LRP1B: variants seen among roughly 807,000 people sequenced by gnomAD.
LRP1B encodes the protein low-density lipoprotein receptor-related protein 1B.
Under a neutral mutation model 556.6 loss-of-function variants are expected in LRP1B, and 217 were observed. The observed-to-expected ratio is 0.39, with a 90% CI of 0.35 to 0.44. The LOEUF (loss-of-function observed/expected upper bound fraction) is 0.44, where lower values mean the gene tolerates loss of function less well. Ranked by LOEUF, LRP1B falls within the 20% of genes least tolerant of loss-of-function variation. The pLI, the probability that LRP1B is intolerant of heterozygous loss-of-function variation, is 1.00. For synonymous variants in LRP1B, 2,047 were observed against 1,865.8 expected (o/e 1.10, Z -2.50); for missense variants, 5,053 against 5,620.8 (o/e 0.90, Z 3.23).
In LRP1B at chr2:140,662,924, G is replaced by A. The variant is rs1040039226; in HGVS notation, c.6799+37326C>T. ...CAAAAGTATTGATAACAGAAAAGTT[G>A]TAGGGTAGCAAATATTAATAACAAT... On this transcript the variant is annotated intron_variant, in intron 41 of 90. Coordinates refer to ENST00000389484, the MANE Select transcript of LRP1B (RefSeq NM_018557.3). Among the ~76,000 whole-genome samples the A allele has an allele frequency of 2.0e-5, 3 of 152,118 alleles. No individual in the cohort carries two copies. In the East Asian group the frequency reaches 5.8e-4, roughly 29 times the overall value.
At chr2:141,070,521 A>G (rs1363445597) in intron 7 of LRP1B, among the ~76,000 whole-genome samples, 1 of 152,148 alleles carries the variant, frequency 6.6e-6, no homozygotes, top group Admixed American at 6.6e-5. Context: ...GAACTGAAGG[A>G]AATAGAGACA....
chr2:141,776,598 G>GTATTGCCA (rs1349142322), intron 2 of LRP1B, among the ~76,000 whole-genome samples: 5 of 152,144 alleles, frequency 3.3e-5, no homozygotes, highest in Non-Finnish European at 7.3e-5. Flanking sequence ...AGTGGTATCA[G>GTATTGCCA]TATTGCCATA....
intron 1 of LRP1B, among the ~76,000 whole-genome samples, chr2:141,936,448 T>C (rs1052811011): frequency 3.9e-5 from 6 of 152,160 alleles, no homozygotes; most frequent in Non-Finnish European, 7.3e-5. Context: ...TAAACTATAA[T>C]AATGCTAACA....
intron 35 of LRP1B, among the ~76,000 whole-genome samples, chr2:140,742,209 A>G (rs1241331187): frequency 1.3e-5 from 2 of 152,230 alleles, no homozygotes; most frequent in African/African-American, 2.4e-5. Flanking sequence ...GACCAATGTA[A>G]TTGACTGAAA....
chr2:141,068,289 G>T (rs1035819107), intron 7 of LRP1B, among the ~76,000 whole-genome samples: 11 of 151,936 alleles, frequency 7.2e-5, no homozygotes, highest in Non-Finnish European at 1.2e-4. Flanking sequence ...ACTAGGCAAA[G>T]AAAGAGAAAG....
intron 41 of LRP1B, among the ~76,000 whole-genome samples, chr2:140,605,313 C>T (rs1682827498): frequency 6.6e-6 from 1 of 152,078 alleles, no homozygotes; most frequent in Non-Finnish European, 1.5e-5. Context: ...ATAAGAAGTT[C>T]CTGCACAAAA....
At chr2:140,852,930 T>C (rs1299775864) in intron 27 of LRP1B, among the ~76,000 whole-genome samples, 1 of 152,018 alleles carries the variant, frequency 6.6e-6, no homozygotes, top group Non-Finnish European at 1.5e-5. Context: ...AGAACTAGGC[T>C]ACGAAATTGA....
chr2:141,236,925 C>T (rs1270966818), intron 5 of LRP1B, among the ~76,000 whole-genome samples: 1 of 152,112 alleles, frequency 6.6e-6, no homozygotes, highest in Non-Finnish European at 1.5e-5. Flanking sequence ...TTCTACATGT[C>T]ACATAGAGAA....
intron 2 of LRP1B, among the ~76,000 whole-genome samples, chr2:141,503,779 G>A (rs62167895): frequency 0.02 from 3,073 of 152,036 alleles, 83 homozygotes; most frequent in East Asian, 0.11. Context: ...GATTGTAAGG[G>A]GTGAGAGAGA....
At position 141,864,607 on chromosome 2, in the gene LRP1B, C is replaced by T. The variant is rs149610875; in HGVS notation, c.83-54206G>A. Among the ~76,000 whole-genome samples, 56 of 151,204 alleles carry T rather than the reference C, an allele frequency of 3.7e-4. 1 individual carries two copies. In the Middle Eastern group the frequency reaches 0.01, roughly 28 times the overall value. ...TATGAAACTGGAGGAATGCGCCAGG[C>T]GCAGTGGCTCACGCCTGTAATCCCA... On this transcript the variant is annotated intron_variant, in intron 1 of 90. Transcript: ENST00000389484.
intron 3 of LRP1B, among the ~76,000 whole-genome samples, chr2:141,309,095 C>T (rs1388596396): frequency 6.6e-6 from 1 of 152,150 alleles, no homozygotes; most frequent in African/African-American, 2.4e-5. Context: ...CTTGTAAAAT[C>T]TTGGTTGGAA....
chr2:141,166,763 A>G (rs1426157534), intron 7 of LRP1B, among the ~76,000 whole-genome samples: 3 of 151,982 alleles, frequency 2.0e-5, no homozygotes, highest in Non-Finnish European at 4.4e-5. Context: ...GTCTTCATCT[A>G]TGAAAATATT....
chr2:140,740,527 G>A (rs112713821), intron 35 of LRP1B, among the ~76,000 whole-genome samples: 6,718 of 152,172 alleles, frequency 0.044, 227 homozygotes, highest in South Asian at 0.092. Context: ...GGACATGGGC[G>A]AGGGATAAAA....
chr2:141,476,596 C>T (rs6729073), intron 3 of LRP1B, among the ~76,000 whole-genome samples: 58,595 of 151,820 alleles, frequency 0.39, 11,802 homozygotes, highest in East Asian at 0.64. Context: ...CAGATGGAGT[C>T]CAATTATGGA....
chr2:140,638,127 G>C lies in LRP1B; in HGVS notation c.6800-36488C>G, dbSNP rs748488402. Among the ~76,000 whole-genome samples, 37 of 152,314 alleles carry C rather than the reference G, an allele frequency of 2.4e-4. 1 individual carries two copies. The highest frequency in any genetic ancestry group is 4.7e-4 in the Non-Finnish European group (32 of 68,010). The stretch of plus-strand genomic sequence containing the variant: ...GATATTCTTGAATTATTTAATGACT[G>C]TGTTTTTCTCTGCCACTTTCTCTAT... On this transcript the variant is annotated intron_variant, in intron 41 of 90. Coordinates refer to ENST00000389484, the MANE Select transcript of LRP1B (RefSeq NM_018557.3).
chr2:140,628,085 G>A (rs1559016212), intron 41 of LRP1B, among the ~76,000 whole-genome samples: 1 of 152,192 alleles, frequency 6.6e-6, no homozygotes. Flanking sequence ...CTTTGAAAGT[G>A]GATCCAGGAC....
Position 141,086,728 on chromosome 2 carries a change from C to T in LRP1B, c.1014-24455G>A, listed in dbSNP as rs7601479. Among the ~76,000 whole-genome samples, 291 of 152,100 alleles carry T rather than the reference C, an allele frequency of 1.9e-3. 2 individuals are homozygous for T. The highest frequency in any genetic ancestry group is 6.7e-3 in the African/African-American group (280 of 41,490). Reference sequence around the variant, plus strand: ...CAAATAGGTCATATGAGGATCACCACATTGCTCAGTGGTCCTGCAAGGGAA... The same window carrying T: ...CAAATAGGTCATATGAGGATCACCATATTGCTCAGTGGTCCTGCAAGGGAA... On this transcript the variant is annotated intron_variant, in intron 7 of 90. Coordinates refer to ENST00000389484, the MANE Select transcript of LRP1B (RefSeq NM_018557.3).
chr2:140,269,371 C>T (rs764218538), intron 86 of LRP1B: 12 of 470,250 alleles, frequency 2.6e-5, no homozygotes, highest in South Asian at 1.9e-4. Context: ...CTTTTAAACC[C>T]CACAGAGCAT....
At chr2:140,309,910 TC>T (rs1218948596) in intron 83 of LRP1B, among the ~76,000 whole-genome samples, 3 of 135,402 alleles carry the variant, frequency 2.2e-5, no homozygotes, top group African/African-American at 8.5e-5. Flanking sequence ...AATCAAATGT[TC>T]TCACTTCTAA....
Sources: gnomAD v4.1 joint callset for allele counts (sites outside exome capture counted in the v4.1 genomes callset) on GRCh38, gnomAD v4.1.1 for gene constraint, MANE v1.5 for transcripts, NCBI Gene and HGNC (gene_info 2026-07-23, HGNC 2026-07-21) for gene names.